The following SSC4D variants were observed in gnomAD, a reference collection of about 807,000 sequenced individuals.
The protein encoded by SSC4D is scavenger receptor cysteine-rich domain-containing group B protein.
Under a neutral mutation model 63.4 loss-of-function variants are expected in SSC4D, and 57 were observed. The observed-to-expected ratio is 0.90, with a 90% confidence interval of 0.73 to 1.12. The LOEUF (loss-of-function observed/expected upper bound fraction) is 1.12. Among genes scored for constraint, SSC4D ranks in the 50% most tolerant of loss-of-function variants. The pLI is 0.00. For synonymous variants in SSC4D, 352 were observed against 345.4 expected, an observed-to-expected ratio of 1.02 and a Z score of -0.21; for missense variants, 791 against 806.4, an observed-to-expected ratio of 0.98 and a Z score of 0.23.
intron 4 of SSC4D, among the ~76,000 whole-genome samples, chr7:76,399,090 C>T (rs907026933): frequency 1.3e-5 from 2 of 152,112 alleles, no homozygotes; most frequent in Non-Finnish European, 2.9e-5. Context: ...CAGCTTGCTG[C>T]AACCTCCGCC....
At chr7:76,403,145 C>A (rs1804883515) in intron 2 of SSC4D, among the ~76,000 whole-genome samples, 2 of 152,278 alleles carry the variant, frequency 1.3e-5, no homozygotes, top group South Asian at 4.1e-4. Flanking sequence ...CTTCATCATG[C>A]AGTTCTGAGC....
intron 1 of SSC4D, among the ~76,000 whole-genome samples, chr7:76,405,505 G>A (rs767670108): frequency 1.3e-5 from 2 of 150,012 alleles, no homozygotes; most frequent in Admixed American, 6.7e-5. Flanking sequence ...TTTATGAGTC[G>A]GGTATGGTGA....
At position 76,390,391 on chromosome 7, in the gene SSC4D, G is replaced by A; in HGVS notation, c.1412-16C>T. ...CGTAGATGCCCTGTGGGGGGACAGG[G>A]CTGGGTTGGAAGGGGCTGGTCCATG... On this transcript the variant is annotated splice_polypyrimidine_tract_variant and intron_variant, in intron 10 of 10. Transcript: ENST00000275560. 6.4e-7 allele frequency: 1 copy of A among 1,561,628 alleles called. No individual in the cohort carries two copies. Among genetic ancestry groups the A allele is most frequent in the Non-Finnish European group, 8.7e-7 (1 of 1,153,248 alleles).
intron 5 of SSC4D, 112 bp from the exon 6 acceptor site, chr7:76,397,944 CCCGCTGCCCAGGGTACCG>C: frequency 9.0e-7 from 1 of 1,112,112 alleles, no homozygotes; most frequent in South Asian, 1.7e-5. Flanking sequence ...ATCTGCTCAC[CCCGCTGCCCAGGGTACCG>C]CCTCCTTGGT....
chr7:76,394,773 T>A (rs1804594194), intron 7 of SSC4D, among the ~76,000 whole-genome samples: 1 of 142,854 alleles, frequency 7.0e-6, no homozygotes, highest in African/African-American at 2.6e-5. Flanking sequence ...ATATATAAAA[T>A]ATGTATAATA....
In SSC4D at chr7:76,389,602, G is replaced by C. The variant is rs996377294; in HGVS notation, c.*457C>G. ...ACCCAGGTTCCTCTGCAGCCCCTGAGGGCCCAAGGTAGGAGCTGTAGGCCC... is the reference window on the plus strand; with the variant it reads ...ACCCAGGTTCCTCTGCAGCCCCTGACGGCCCAAGGTAGGAGCTGTAGGCCC... On this transcript the variant is annotated 3_prime_UTR_variant, in exon 11 of 11. Transcript: ENST00000275560. 2 of 170,044 alleles carry C rather than the reference G, an allele frequency of 1.2e-5. No homozygotes were observed. Among genetic ancestry groups the C allele is most frequent in the Admixed American group, 1.1e-4 (2 of 18,046 alleles). The allele number at this position is 170,044 out of a possible 1,614,324, so 10.5% of individuals were successfully genotyped here. A position where few individuals can be genotyped will look rare whatever the true frequency, so the allele number is the denominator to read the frequency against.
chr7:76,394,994 C>T (rs954000716), intron 7 of SSC4D, among the ~76,000 whole-genome samples: 2 of 151,824 alleles, frequency 1.3e-5, no homozygotes, highest in Non-Finnish European at 2.9e-5. Context: ...TGAGCCACCG[C>T]CCACATCCCA....
rs1389488592 is a variant in SSC4D at position 76,393,335 on chromosome 7, C to T, written c.1333+70G>A. On this transcript the variant is annotated intron_variant, in intron 9 of 10. Coordinates refer to ENST00000275560, the MANE Select transcript of SSC4D (RefSeq NM_080744.2). ...GCCGCAAGAGAGGCCTCGCGCGTGG[C>T]GCCGCCCCGCCCCTCCCACGCCGCA... 7.8e-6 allele frequency: 10 copies of T among 1,281,440 alleles called. No individual in the cohort carries two copies. In the East Asian group the frequency reaches 1.3e-4, roughly 16 times the overall value. The allele number at this position is 1,281,440 out of a possible 1,614,324, so 79.4% of individuals were successfully genotyped here.
At chr7:76,394,768 T>TATATATATATAA (rs1554621451) in intron 7 of SSC4D, among the ~76,000 whole-genome samples, 1 of 122,132 alleles carries the variant, frequency 8.2e-6, no homozygotes, top group African/African-American at 3.4e-5. Context: ...TATATATATA[T>TATATATATATAA]AAAATATGTA....
chr7:76,394,748 A>AATATATATATATATATATATAT (rs35943058), intron 7 of SSC4D, among the ~76,000 whole-genome samples: 31 of 131,290 alleles, frequency 2.4e-4, no homozygotes, highest in Admixed American at 6.6e-4. Flanking sequence ...ATGTATGTAT[A>AATATATATATATATATATATAT]ATATATATAT....
At chr7:76,391,627 A>G (rs1314109455) in intron 10 of SSC4D, among the ~76,000 whole-genome samples, 1 of 151,948 alleles carries the variant, frequency 6.6e-6, no homozygotes, top group Non-Finnish European at 1.5e-5. Context: ...GTTACATCCT[A>G]TTGTGTCCCC....
chr7:76,399,006 G>T (rs1470478198), intron 4 of SSC4D, among the ~76,000 whole-genome samples: 1 of 152,036 alleles, frequency 6.6e-6, no homozygotes, highest in Non-Finnish European at 1.5e-5. Flanking sequence ...TTTTGTTGTT[G>T]TTTTTTATTT....
chr7:76,393,296 C>A (rs1204313863), intron 9 of SSC4D, 109 bp downstream of exon 9: 1 of 1,165,236 alleles, frequency 8.6e-7, no homozygotes, highest in African/African-American at 1.6e-5. Flanking sequence ...TGCGCATGCT[C>A]CCCGGGCGGC....
chr7:76,397,972 TC>T, intron 5 of SSC4D, 140 bp from the exon 6 acceptor site: 2 of 872,172 alleles, frequency 2.3e-6, no homozygotes, highest in Non-Finnish European at 3.4e-6. Context: ...GCCTCCTTGG[TC>T]CAGACTGGGG....
chr7:76,400,968 G>A (rs1255227918), intron 3 of SSC4D, 40 bp downstream of exon 3: 22 of 1,550,684 alleles, frequency 1.4e-5, no homozygotes, highest in South Asian at 2.4e-5. Flanking sequence ...AGTACCTGGC[G>A]GACAGGTGAG....
In SSC4D at chr7:76,400,551, G is replaced by A. The variant is rs1278963569; in HGVS notation, c.210C>T (p.Arg70=). Residue 70 remains arginine (R), a synonymous_variant, in exon 4 of 11, where the codon CGC becomes CGT. Coordinates refer to ENST00000275560, the MANE Select transcript of SSC4D (RefSeq NM_080744.2). ...LVGGPSRCRG[R]LEVMHGGSWG... ...AGGAGCCACCGTGCATGACTTCCAG[G>A]CGGCCCCGGCAGCGGCTGGGGCCCC... The A allele has an allele frequency of 7.2e-6, 11 of 1,519,398 alleles. No individual in the cohort carries two copies. In the African/African-American group the frequency reaches 1.5e-4, roughly 21 times the overall value. The allele number at this position is 1,519,398 out of a possible 1,614,324, so 94.1% of individuals were successfully genotyped here. A position where few individuals can be genotyped will look rare whatever the true frequency, so the allele number is the denominator to read the frequency against.
At chr7:76,390,614 G>A (rs1196111100) in intron 10 of SSC4D, among the ~76,000 whole-genome samples, 1 of 151,772 alleles carries the variant, frequency 6.6e-6, no homozygotes, top group Non-Finnish European at 1.5e-5. Flanking sequence ...TTAGGAGATC[G>A]AGACCATCCT....
chr7:76,403,819 G>A (rs11762170), intron 2 of SSC4D, among the ~76,000 whole-genome samples: 3 of 151,486 alleles, frequency 2.0e-5, no homozygotes, highest in Non-Finnish European at 4.4e-5. Context: ...GTGCTGCCAA[G>A]CCTGGTTAAT....
Position 76,407,394 on chromosome 7 carries a change from C to A in SSC4D, c.-67+2020G>T, listed in dbSNP as rs1214182616. ...TCGCCCAGGCTGGAGTGCAGTGGCA[C>A]AATCTCGGCTCACTGCACCCTCCAC... is the stretch of plus-strand genomic sequence containing the variant. On this transcript the variant is annotated intron_variant, in intron 1 of 10. Coordinates refer to ENST00000275560, the MANE Select transcript of SSC4D (RefSeq NM_080744.2). Among the ~76,000 whole-genome samples, 6 of 151,482 alleles carry A rather than the reference C, an allele frequency of 4.0e-5. No homozygotes were observed. The East Asian group carries it at 9.8e-4, about 25-fold the overall frequency.
Sources: allele counts gnomAD v4.1 joint callset (sites outside exome capture counted in the v4.1 genomes callset), GRCh38; gene constraint gnomAD v4.1.1; transcripts MANE v1.5; gene names NCBI Gene and HGNC (gene_info 2026-07-23, HGNC 2026-07-21).